Variants in FBN2 observed in about 807,000 individuals in gnomAD.
FBN2 encodes the protein fibrillin 2, also known as fibrillin-2.
In FBN2, 105 loss-of-function variants were observed where a neutral mutation model predicts 355.6. That is an observed-to-expected ratio of 0.30 (90% CI 0.25 to 0.35). FBN2 has a LOEUF of 0.35. FBN2 is among the 10% of genes least tolerant of loss of function. The pLI is 1.00. For synonymous variants in FBN2, 1,350 were observed against 1,301.2 expected (o/e 1.04, Z -0.81); for missense variants, 3,280 against 3,758.7 (o/e 0.87, Z 3.33).
Position 128,288,541 on chromosome 5 carries a change from T to C in FBN2, c.6654A>G (p.Ser2218=), listed in dbSNP as rs1749223558. The change falls in exon 53 of 65, where the codon TCA becomes TCG. Residue 2218 remains serine (S), a synonymous_variant. Coordinates refer to ENST00000262464, the MANE Select transcript of FBN2 (RefSeq NM_001999.4). ...GVRCVDTDEC[S]IGNPCGNGTC... is the part of the protein sequence containing the mutation. Reference sequence around the variant, plus strand: ...TACCATTTCCACACGGATTGCCGATTGAACACTCATCAGTATCTGAAAAAG... The same window carrying C: ...TACCATTTCCACACGGATTGCCGATCGAACACTCATCAGTATCTGAAAAAG... The C allele has an allele frequency of 6.2e-7, 1 of 1,613,782 alleles. No homozygotes were observed. Among genetic ancestry groups the C allele is most frequent in the African/African-American group, 1.3e-5 (1 of 74,936 alleles).
intron 4 of FBN2, among the ~76,000 whole-genome samples, chr5:128,522,810 G>A (rs924152293): frequency 3.9e-5 from 6 of 152,090 alleles, no homozygotes; most frequent in Non-Finnish European, 8.8e-5. Context: ...AAAAAAATTG[G>A]AAAATGCCTA....
chr5:128,386,875 G>A (rs538630944), intron 11 of FBN2, among the ~76,000 whole-genome samples: 6 of 152,072 alleles, frequency 3.9e-5, no homozygotes, highest in South Asian at 4.1e-4. Flanking sequence ...ATCTATGTTC[G>A]TCAAGGATAT....
In FBN2 at chr5:128,313,856, A is replaced by AC. The variant is rs1750126789; in HGVS notation, c.4718-1062_4718-1061insG. 2.7e-5 allele frequency among the ~76,000 whole-genome samples: 4 copies of AC among 150,384 alleles called. No individual in the cohort carries two copies. In the South Asian group the frequency reaches 8.4e-4, roughly 31 times the overall value. On this transcript the variant is annotated intron_variant, in intron 36 of 64. Coordinates refer to ENST00000262464, the MANE Select transcript of FBN2 (RefSeq NM_001999.4). ...CAACAGAGCGAGACTCTGTCTCAAA[A>AC]AAAAAAAAAAAAAAAAAAAACATAT...
chr5:128,415,871 C>A (rs1225341743), intron 7 of FBN2, among the ~76,000 whole-genome samples: 1 of 152,112 alleles, frequency 6.6e-6, no homozygotes, highest in Non-Finnish European at 1.5e-5. Context: ...CTGCTATTTT[C>A]TGTCTTTTTA....
intron 8 of FBN2, among the ~76,000 whole-genome samples, chr5:128,397,236 C>A (rs535888485): frequency 1.3e-5 from 2 of 152,128 alleles, no homozygotes; most frequent in Admixed American, 1.3e-4. Flanking sequence ...TCACAGGAAA[C>A]AATTTTTGGA....
chr5:128,451,929 G>A (rs888450068), intron 6 of FBN2, among the ~76,000 whole-genome samples: 1 of 151,980 alleles, frequency 6.6e-6, no homozygotes, highest in Non-Finnish European at 1.5e-5. Flanking sequence ...AGCATCATAG[G>A]ATTTATTCTG....
At chr5:128,530,740 C>T in intron 2 of FBN2, 47 bp from the exon 3 acceptor site, 1 of 1,188,932 alleles carries the variant, frequency 8.4e-7, no homozygotes, top group Non-Finnish European at 1.3e-6. Flanking sequence ...ATATAATAAA[C>T]CATAGTTTAC....
At chr5:128,484,164 C>G (rs1254793024) in intron 5 of FBN2, among the ~76,000 whole-genome samples, 1 of 152,164 alleles carries the variant, frequency 6.6e-6, no homozygotes, top group Admixed American at 6.5e-5. Context: ...TATTCTCATT[C>G]ATATCTCTCT....
At chr5:128,370,769 T>C (rs1361980524) in intron 15 of FBN2, among the ~76,000 whole-genome samples, 1 of 152,018 alleles carries the variant, frequency 6.6e-6, no homozygotes, top group Non-Finnish European at 1.5e-5. Context: ...AAAAGGCCTA[T>C]GGAGCTCACT....
chr5:128,463,412 T>G (rs1375093807), intron 6 of FBN2, among the ~76,000 whole-genome samples: 1 of 152,106 alleles, frequency 6.6e-6, no homozygotes, highest in South Asian at 2.1e-4. Context: ...AAAGAACTAT[T>G]CTAAGTCCAC....
intron 11 of FBN2, among the ~76,000 whole-genome samples, chr5:128,389,035 T>G (rs1752442040): frequency 6.6e-6 from 1 of 152,236 alleles, no homozygotes; most frequent in Non-Finnish European, 1.5e-5. Flanking sequence ...TTGTTCAATC[T>G]TTCTAATTAT....
At chr5:128,510,372 T>A (rs1309849767) in intron 5 of FBN2, among the ~76,000 whole-genome samples, 8 of 152,250 alleles carry the variant, frequency 5.3e-5, no homozygotes, top group Non-Finnish European at 1.2e-4. Flanking sequence ...GGGGCAAACT[T>A]CCATGTTGTA....
chr5:128,380,323 T>C (rs1218171770), intron 11 of FBN2, among the ~76,000 whole-genome samples: 2 of 152,244 alleles, frequency 1.3e-5, no homozygotes, highest in East Asian at 3.9e-4. Context: ...ATAATTGAAA[T>C]GCAACAATTA....
At chr5:128,496,299 A>C (rs1214415463) in intron 5 of FBN2, among the ~76,000 whole-genome samples, 1 of 152,096 alleles carries the variant, frequency 6.6e-6, no homozygotes, top group Non-Finnish European at 1.5e-5. Flanking sequence ...ATACTAGCAA[A>C]CCAAATCCAA....
At chr5:128,305,753 A>G (rs1561760364) in intron 43 of FBN2, 70 bp downstream of exon 43, 7 of 1,602,898 alleles carry the variant, frequency 4.4e-6, no homozygotes, top group Non-Finnish European at 6.0e-6. Flanking sequence ...AGTAAAAATC[A>G]GAAACCATCT....
chr5:128,393,507 T>C (rs143741366), intron 9 of FBN2, 139 bp from the exon 10 acceptor site: 20 of 682,384 alleles, frequency 2.9e-5, no homozygotes, highest in Non-Finnish European at 4.3e-5. Flanking sequence ...TCAATACATG[T>C]TTTTAATGCT....
At chr5:128,334,627 G>T in intron 31 of FBN2, 92 bp downstream of exon 31, 2 of 1,344,876 alleles carry the variant, frequency 1.5e-6, no homozygotes, top group East Asian at 2.3e-5. Context: ...GCAGGTAACC[G>T]CTCTAAGAGA....
intron 37 of FBN2, 133 bp downstream of exon 37, chr5:128,312,501 C>T (rs894880830): frequency 1.1e-5 from 10 of 896,402 alleles, no homozygotes; most frequent in Non-Finnish European, 1.6e-5. Context: ...AGAGTGATCA[C>T]TGAAAGTAGT....
rs968477095 is a variant in FBN2 at position 128,259,150 on chromosome 5, C to A, written c.*305G>T. The A allele has an allele frequency of 7.2e-6, 2 of 277,434 alleles. No homozygotes were observed. Among genetic ancestry groups the A allele is most frequent in the Non-Finnish European group, 1.4e-5 (2 of 147,144 alleles). 17.2% of individuals were successfully genotyped at this position (277,434 alleles called of 1,614,324 possible). A position where few individuals can be genotyped will look rare whatever the true frequency, so the allele number is the denominator to read the frequency against. On this transcript the variant is annotated 3_prime_UTR_variant, in exon 65 of 65. Transcript: ENST00000262464. ...TAACAGGAAAAAAAAAAAAAGCTCA[C>A]ATTATTTTTGTGCATTTAGTGCCAT...
Sources: allele counts gnomAD v4.1 joint callset (sites outside exome capture counted in the v4.1 genomes callset), GRCh38; gene constraint gnomAD v4.1.1; transcripts MANE v1.5; gene names NCBI Gene and HGNC (gene_info 2026-07-23, HGNC 2026-07-21).